The following CTNNA3 variants were observed in gnomAD, a reference collection of about 807,000 sequenced individuals.
The protein encoded by CTNNA3 is catenin alpha-3.
In CTNNA3, 76 loss-of-function variants were observed where a neutral mutation model predicts 95.7. The ratio of observed to expected loss-of-function variants is 0.79; its 90% CI spans 0.66 to 0.96. The LOEUF is 0.96. Ranked by LOEUF, CTNNA3 falls within the 40% of genes least tolerant of loss-of-function variation. The probability of loss-of-function intolerance (pLI) is 0.00; values close to 1 mark genes in which losing one functional copy is unlikely to be tolerated. For synonymous variants in CTNNA3, 431 were observed against 374.4 expected (o/e 1.15, Z -1.74); for missense variants, 1,191 against 1,089.8 (o/e 1.09, Z -1.31).
intron 13 of CTNNA3, among the ~76,000 whole-genome samples, chr10:66,213,984 A>G (rs2088346877): frequency 6.6e-6 from 1 of 152,242 alleles, no homozygotes; most frequent in Non-Finnish European, 1.5e-5. Flanking sequence ...TTTAGTTGAT[A>G]GTAGCCAAAA....
intron 7 of CTNNA3, among the ~76,000 whole-genome samples, chr10:67,106,218 A>T (rs755562242): frequency 2.6e-5 from 4 of 152,232 alleles, no homozygotes; most frequent in Non-Finnish European, 5.9e-5. Flanking sequence ...TAACAGATAA[A>T]CATTTTATGT....
chr10:66,902,886 A>G (rs1424236224), intron 7 of CTNNA3, among the ~76,000 whole-genome samples: 1 of 146,578 alleles, frequency 6.8e-6, no homozygotes. Context: ...GCAATAATTA[A>G]TAGCATACCA....
intron 9 of CTNNA3, among the ~76,000 whole-genome samples, chr10:66,747,148 T>G (rs1838915869): frequency 6.6e-6 from 1 of 152,254 alleles, no homozygotes; most frequent in Non-Finnish European, 1.5e-5. Flanking sequence ...TCAAATGTTT[T>G]GACTTTATTT....
chr10:67,513,830 T>C (rs1839719360), intron 5 of CTNNA3, among the ~76,000 whole-genome samples: 2 of 152,196 alleles, frequency 1.3e-5, no homozygotes, highest in Admixed American at 1.3e-4. Flanking sequence ...CTTTTCATAC[T>C]ATAGGTCCTC....
chr10:66,815,973 T>A (rs1056336935), intron 7 of CTNNA3, among the ~76,000 whole-genome samples: 1 of 152,184 alleles, frequency 6.6e-6, no homozygotes, highest in Non-Finnish European at 1.5e-5. Context: ...TATATTTTTG[T>A]TTGTAACTAA....
intron 13 of CTNNA3, among the ~76,000 whole-genome samples, chr10:66,261,832 A>G (rs1050365143): frequency 2.0e-5 from 3 of 151,918 alleles, no homozygotes; most frequent in Admixed American, 1.3e-4. Context: ...TCAACATGAG[A>G]TGGTTTCTTC....
At chr10:66,113,438 T>G (rs2082194232) in intron 13 of CTNNA3, among the ~76,000 whole-genome samples, 1 of 152,158 alleles carries the variant, frequency 6.6e-6, no homozygotes, top group Non-Finnish European at 1.5e-5. Context: ...ACAGAAAATC[T>G]ATGGTAAGTG....
chr10:67,718,797 T>C (rs1326640139), intron 1 of CTNNA3, among the ~76,000 whole-genome samples: 2 of 152,192 alleles, frequency 1.3e-5, no homozygotes, highest in Non-Finnish European at 2.9e-5. Flanking sequence ...GGTTTAGGTA[T>C]CAGGATGATG....
chr10:66,413,615 G>A (rs982497524), intron 11 of CTNNA3, among the ~76,000 whole-genome samples: 3 of 152,026 alleles, frequency 2.0e-5, no homozygotes, highest in African/African-American at 7.2e-5. Context: ...AGCTTGAAAA[G>A]GTATTTTCTT....
chr10:67,097,774 A>G, intron 7 of CTNNA3: 1 of 1,612,366 alleles, frequency 6.2e-7, no homozygotes. Context: ...CGAATCAGTG[A>G]CCATAAACAG....
chr10:67,075,666 T>C (rs140390912), intron 7 of CTNNA3, among the ~76,000 whole-genome samples: 1 of 152,358 alleles, frequency 6.6e-6, no homozygotes, highest in East Asian at 1.9e-4. Flanking sequence ...TTCTGAAGTT[T>C]GGCACCTCGT....
At chr10:66,802,146 C>T (rs975560312) in intron 7 of CTNNA3, among the ~76,000 whole-genome samples, 1 of 151,706 alleles carries the variant, frequency 6.6e-6, no homozygotes, top group Non-Finnish European at 1.5e-5. Context: ...TTGAAGAAAA[C>T]ATAACATGTT....
intron 7 of CTNNA3, among the ~76,000 whole-genome samples, chr10:67,009,142 A>G (rs1473371340): frequency 2.0e-5 from 3 of 152,082 alleles, no homozygotes; most frequent in Non-Finnish European, 4.4e-5. Context: ...TATTAACCTT[A>G]CCGTGATACA....
intron 12 of CTNNA3, among the ~76,000 whole-genome samples, chr10:66,336,246 A>G (rs2092394535): frequency 6.6e-6 from 1 of 151,954 alleles, no homozygotes. Flanking sequence ...TCCTGCACCC[A>G]CTGTCCGACA....
intron 16 of CTNNA3, among the ~76,000 whole-genome samples, chr10:65,977,038 T>C (rs4494208): frequency 7.2e-4 from 109 of 152,284 alleles, no homozygotes; most frequent in African/African-American, 2.5e-3. Flanking sequence ...CCTTTTAAAT[T>C]TTTACGTGAA....
At chr10:67,240,841 T>A (rs1028090760) in intron 5 of CTNNA3, among the ~76,000 whole-genome samples, 1 of 152,192 alleles carries the variant, frequency 6.6e-6, no homozygotes. Context: ...GGGGGGTGTG[T>A]GTGCACATGT....
At chr10:65,936,835 G>C (rs954628986) in intron 17 of CTNNA3, among the ~76,000 whole-genome samples, 2 of 151,894 alleles carry the variant, frequency 1.3e-5, no homozygotes, top group African/African-American at 2.4e-5. Context: ...TAATGAAGTA[G>C]ACATGACAAT....
chr10:66,813,845 A>AGTGT (rs66464661), intron 7 of CTNNA3, among the ~76,000 whole-genome samples: 6 of 149,736 alleles, frequency 4.0e-5, no homozygotes, highest in South Asian at 2.1e-4. Flanking sequence ...TGTGTGTGTG[A>AGTGT]GTGTGTGTGT....
intron 5 of CTNNA3, among the ~76,000 whole-genome samples, chr10:67,302,022 A>C (rs867678178): frequency 0.06 from 1,630 of 26,980 alleles, 326 homozygotes; most frequent in African/African-American, 0.25. Flanking sequence ...AAAGAAAGAA[A>C]GAAAGAAAGA....
Sources: gnomAD v4.1 joint callset for allele counts (sites outside exome capture counted in the v4.1 genomes callset) on GRCh38, gnomAD v4.1.1 for gene constraint, MANE v1.5 for transcripts, NCBI Gene and HGNC (gene_info 2026-07-23, HGNC 2026-07-21) for gene names.